SMYD3: variants seen among roughly 807,000 people sequenced by gnomAD.
The protein encoded by SMYD3 is SET and MYND domain containing 3, also known as histone-lysine N-methyltransferase SMYD3.
A neutral mutation model predicts 57.7 loss-of-function variants in SMYD3; 36 were observed. The ratio of observed to expected loss-of-function variants is 0.62; its 90% CI spans 0.48 to 0.82. SMYD3 has a LOEUF of 0.82. Ranked by LOEUF, SMYD3 falls within the 40% of genes least tolerant of loss-of-function variation. The pLI, the probability that SMYD3 is intolerant of heterozygous loss-of-function variation, is 0.00. For missense variants in SMYD3, 515 were observed against 538.8 expected, an observed-to-expected ratio of 0.96 and a Z score of 0.44; for synonymous variants, 211 against 195.0, an observed-to-expected ratio of 1.08 and a Z score of -0.68.
chr1:245,767,041 G>A (rs1209740126), intron 10 of SMYD3, among the ~76,000 whole-genome samples: 3 of 152,134 alleles, frequency 2.0e-5, no homozygotes, highest in African/African-American at 4.8e-5. Flanking sequence ...CCTTGCTGGA[G>A]TATAACTCCA....
intron 5 of SMYD3, among the ~76,000 whole-genome samples, chr1:246,095,918 A>G (rs2060905681): frequency 6.6e-6 from 1 of 152,180 alleles, no homozygotes; most frequent in Admixed American, 6.5e-5. Flanking sequence ...TGGCCTGAAC[A>G]TCAACTTCAA....
intron 5 of SMYD3, among the ~76,000 whole-genome samples, chr1:246,136,933 C>T (rs995502096): frequency 4.6e-5 from 7 of 152,260 alleles, no homozygotes; most frequent in South Asian, 4.2e-4. Context: ...TGAGAGTTCA[C>T]GGAAAGTTTT....
chr1:245,778,844 A>T (rs1196620392), intron 10 of SMYD3, among the ~76,000 whole-genome samples: 1 of 152,196 alleles, frequency 6.6e-6, no homozygotes, highest in Non-Finnish European at 1.5e-5. Context: ...AATTAAAAAC[A>T]TCTACTCTGT....
At chr1:246,405,889 G>C (rs1427451272) in intron 1 of SMYD3, among the ~76,000 whole-genome samples, 3 of 131,872 alleles carry the variant, frequency 2.3e-5, no homozygotes, top group Non-Finnish European at 3.1e-5. Flanking sequence ...CAGCCTGGGC[G>C]ACAGAGCAAG....
intron 1 of SMYD3, among the ~76,000 whole-genome samples, chr1:246,363,018 A>C (rs2148717122): frequency 6.7e-6 from 1 of 149,730 alleles, no homozygotes; most frequent in Non-Finnish European, 1.5e-5. Flanking sequence ...GGAAGTGAGG[A>C]GCGTCTCTGC....
intron 1 of SMYD3, among the ~76,000 whole-genome samples, chr1:246,444,075 A>G (rs1025583520): frequency 1.3e-5 from 2 of 152,034 alleles, no homozygotes; most frequent in East Asian, 3.8e-4. Context: ...TATGATTTTG[A>G]CCAAAGCAGT....
intron 5 of SMYD3, among the ~76,000 whole-genome samples, chr1:246,001,856 C>T (rs1364367632): frequency 6.6e-6 from 1 of 152,096 alleles, no homozygotes; most frequent in Non-Finnish European, 1.5e-5. Flanking sequence ...ATTAAACTGG[C>T]CAGAAAGAGA....
intron 5 of SMYD3, among the ~76,000 whole-genome samples, chr1:245,954,303 T>C (rs1234957579): frequency 1.3e-5 from 2 of 152,170 alleles, no homozygotes; most frequent in African/African-American, 2.4e-5. Flanking sequence ...ATTATACCAA[T>C]AAAATTGCAG....
At chr1:245,771,770 GTTAT>G (rs1364664460) in intron 10 of SMYD3, among the ~76,000 whole-genome samples, 2 of 152,026 alleles carry the variant, frequency 1.3e-5, no homozygotes, top group Non-Finnish European at 2.9e-5. Context: ...TTTTATGGAA[GTTAT>G]TTATGCCTTT....
intron 5 of SMYD3, among the ~76,000 whole-genome samples, chr1:246,229,081 A>C (rs2063372099): frequency 6.6e-6 from 1 of 152,146 alleles, no homozygotes; most frequent in African/African-American, 2.4e-5. Flanking sequence ...TTTCACATTC[A>C]CTAAGGATGA....
At chr1:246,192,905 C>CAA (rs1402101192) in intron 5 of SMYD3, among the ~76,000 whole-genome samples, 5 of 121,358 alleles carry the variant, frequency 4.1e-5, no homozygotes, top group Non-Finnish European at 7.1e-5. Context: ...AAGGTAAAGT[C>CAA]AAAAAAAAAA....
intron 5 of SMYD3, among the ~76,000 whole-genome samples, chr1:246,046,068 A>G (rs961854529): frequency 1.1e-4 from 16 of 152,332 alleles, no homozygotes; most frequent in African/African-American, 3.6e-4. Flanking sequence ...ACAGTGTGGC[A>G]ATTCCTCAGG....
At chr1:246,111,718 T>A (rs1001247) in intron 5 of SMYD3, among the ~76,000 whole-genome samples, 26,773 of 152,142 alleles carry the variant, frequency 0.18, 3,023 homozygotes, top group East Asian at 0.4. Context: ...AGCAGTCTGC[T>A]AGTTTATGTA....
Position 246,316,744 on chromosome 1 carries a change from C to G in SMYD3, c.531+10457G>C, listed in dbSNP as rs2065166939. Among the ~76,000 whole-genome samples, 4 of 149,198 alleles carry G rather than the reference C, an allele frequency of 2.7e-5. No individual in the cohort carries two copies. The South Asian group carries it at 8.6e-4, about 32-fold the overall frequency. ...GGCACGGTGGCTCATGCCTGTAATC[C>G]CAGCACTTTGGGAGGCCGAGGCGAG... is the stretch of plus-strand genomic sequence containing the variant. On this transcript the variant is annotated intron_variant, in intron 5 of 11. Coordinates refer to ENST00000490107, the MANE Select transcript of SMYD3 (RefSeq NM_001167740.2).
chr1:246,294,020 G>C lies in SMYD3; in HGVS notation c.531+33181C>G, dbSNP rs145048264. 1.6e-3 allele frequency among the ~76,000 whole-genome samples: 246 copies of C among 152,148 alleles called. 2 individuals carry two copies. Among genetic ancestry groups the C allele is most frequent in the Non-Finnish European group, 4.1e-4 (28 of 68,006 alleles). On this transcript the variant is annotated intron_variant, in intron 5 of 11. Coordinates refer to ENST00000490107, the MANE Select transcript of SMYD3 (RefSeq NM_001167740.2). The stretch of plus-strand genomic sequence containing the variant: ...GGTTTCTATGATATCTTTCTCTCCA[G>C]GTTTTCCTCCCACTTTACTCCCTCT...
intron 1 of SMYD3, among the ~76,000 whole-genome samples, chr1:246,453,754 G>C (rs2067664569): frequency 6.6e-6 from 1 of 152,166 alleles, no homozygotes; most frequent in Non-Finnish European, 1.5e-5. Context: ...AGCTTTGTCA[G>C]CTAACCCAAT....
intron 1 of SMYD3, among the ~76,000 whole-genome samples, chr1:246,479,502 ATTTTTTT>A (rs35818746): frequency 2.3e-3 from 243 of 107,618 alleles, no homozygotes; most frequent in African/African-American, 8.3e-3. Flanking sequence ...AAAAAGCGGG[ATTTTTTT>A]TTTTTTTTTT....
chr1:245,949,832 C>CA (rs1189909256), intron 5 of SMYD3, among the ~76,000 whole-genome samples: 3 of 138,006 alleles, frequency 2.2e-5, no homozygotes, highest in Non-Finnish European at 4.8e-5. Flanking sequence ...CCCACCCCCC[C>CA]CACCCCCACC....
chr1:245,752,200 T>G lies in SMYD3; in HGVS notation c.1186-2536A>C, dbSNP rs139656804. ...CAACAAAGAGCCAGAGTGCTTGTGA[T>G]CTGGCAAAGGAAGATGAATGGGGCA... On this transcript the variant is annotated intron_variant, in intron 11 of 11. Transcript: ENST00000490107. Among the ~76,000 whole-genome samples the G allele has an allele frequency of 4.4e-3, 669 of 152,320 alleles. 2 individuals are homozygous for G. The highest frequency in any genetic ancestry group is 6.7e-3 in the Non-Finnish European group (459 of 68,024).
Sources: allele counts gnomAD v4.1 joint callset (sites outside exome capture counted in the v4.1 genomes callset), GRCh38; gene constraint gnomAD v4.1.1; transcripts MANE v1.5; gene names NCBI Gene and HGNC (gene_info 2026-07-23, HGNC 2026-07-21).